Variants in TMEM231 observed in about 807,000 individuals in gnomAD.
TMEM231 encodes transmembrane protein 231.
In TMEM231, 40 loss-of-function variants were observed where a neutral mutation model predicts 38.5. The observed-to-expected ratio is 1.04, with a 90% CI of 0.81 to 1.35. TMEM231 has a LOEUF of 1.35. Ranked by LOEUF, TMEM231 falls within the 40% of genes most tolerant of loss-of-function variation. TMEM231 has a pLI of 0.00. For missense variants in TMEM231, 420 were observed against 416.9 expected (o/e 1.01, Z -0.07); for synonymous variants, 199 against 181.7 (o/e 1.10, Z -0.77).
At chr16:75,552,418 A>G (rs1278402036) in intron 2 of TMEM231, among the ~76,000 whole-genome samples, 3 of 152,136 alleles carry the variant, frequency 2.0e-5, no homozygotes, top group Non-Finnish European at 2.9e-5. Flanking sequence ...GCGCCACTGA[A>G]CTCCAGTCTG....
chr16:75,546,183 A>G (rs2080688875), intron 2 of TMEM231: 10 of 1,327,858 alleles, frequency 7.5e-6, no homozygotes, highest in Non-Finnish European at 1.0e-5. Flanking sequence ...TTCACTGGCC[A>G]AAATAAATGG....
intron 2 of TMEM231, among the ~76,000 whole-genome samples, chr16:75,548,423 A>T (rs1218520549): frequency 6.6e-6 from 1 of 152,214 alleles, no homozygotes; most frequent in Non-Finnish European, 1.5e-5. Context: ...GCCAGGCACT[A>T]TTTCAAATAA....
intron 2 of TMEM231, 37 bp from the exon 3 acceptor site, chr16:75,545,991 T>C (rs1454788291): frequency 2.6e-6 from 4 of 1,557,698 alleles, no homozygotes; most frequent in Non-Finnish European, 3.5e-6. Flanking sequence ...CCCTGGTCAC[T>C]AATGAGTCTG....
At chr16:75,551,911 G>A (rs906272323) in intron 2 of TMEM231, among the ~76,000 whole-genome samples, 30 of 150,856 alleles carry the variant, frequency 2.0e-4, no homozygotes, top group Non-Finnish European at 1.5e-5. Context: ...GCAGTGAGAA[G>A]AGATTGCGCC....
rs901311435 is a variant in TMEM231 at position 75,556,006 on chromosome 16, G to A, written c.140-33C>T. ...AAAGAGGGCGGTAGGGAGGCGGTTA[G>A]GGAGGCCGGCCCTGGCCGAGCGCGC... On this transcript the variant is annotated intron_variant, in intron 1 of 6. Coordinates refer to ENST00000258173, the MANE Select transcript of TMEM231 (RefSeq NM_001077418.3). 39 of 1,584,182 alleles carry A rather than the reference G, an allele frequency of 2.5e-5. No homozygotes were observed. Among genetic ancestry groups the A allele is most frequent in the Non-Finnish European group, 3.1e-5 (36 of 1,165,044 alleles).
In TMEM231 at chr16:75,537,121, C is replaced by CAAAAAAAAAAAA. The variant is rs35767878; in HGVS notation, c.*2861_*2872dup. On this transcript the variant is annotated 3_prime_UTR_variant, in exon 7 of 7. Transcript: ENST00000258173. ...TGGGTAACAGAGTGAGACTCTGTCTCAAAAAAAAAAAAAAAAAAGAAAAAG... is the reference window on the plus strand; with the variant it reads ...TGGGTAACAGAGTGAGACTCTGTCTCAAAAAAAAAAAAAAAAAAAAAAAAAAAAAAGAAAAAG... 1.9e-5 allele frequency: 2 copies of CAAAAAAAAAAAA among 107,126 alleles called. No homozygotes were observed. Among genetic ancestry groups the CAAAAAAAAAAAA allele is most frequent in the African/African-American group, 3.4e-5 (1 of 29,358 alleles). The allele number at this position is 107,126 out of a possible 1,614,324, so 6.6% of individuals were successfully genotyped here.
At position 75,540,130 on chromosome 16, in the gene TMEM231, T is replaced by G. The variant is rs397514754; in HGVS notation, c.815A>C (p.Gln272Pro). The change falls in exon 7 of 7, where the codon CAG becomes CCG. Residue 272 changes from glutamine (Q) to proline (P), a missense_variant. Coordinates refer to ENST00000258173, the MANE Select transcript of TMEM231 (RefSeq NM_001077418.3). ...FWEMVKFAWV[Q>P]YVSILLIFLW... ...GAAGATAAGCAGGATGCTGACATACTGCACCCAGGCGAACTTTACCATCTC... is the reference window on the plus strand; with the variant it reads ...GAAGATAAGCAGGATGCTGACATACGGCACCCAGGCGAACTTTACCATCTC... 6.2e-7 allele frequency: 1 copy of G among 1,613,840 alleles called. No homozygotes were observed. Among genetic ancestry groups the G allele is most frequent in the African/African-American group, 1.3e-5 (1 of 75,070 alleles).
intron 2 of TMEM231, among the ~76,000 whole-genome samples, chr16:75,553,679 A>T (rs1267939670): frequency 2.0e-5 from 3 of 149,752 alleles, no homozygotes; most frequent in South Asian, 4.2e-4. Flanking sequence ...CCACTTCTCT[A>T]TTTCTTTTTA....
At chr16:75,542,099 C>T (rs8062862) in intron 5 of TMEM231, 11,473 of 156,798 alleles carry the variant, frequency 0.073, 1,465 homozygotes, top group African/African-American at 0.26. Context: ...ACAAACGTGC[C>T]GAGTCCACAC....
chr16:75,538,586 A>T lies in TMEM231; in HGVS notation c.*1408T>A, dbSNP rs1483382365. 4.6e-5 allele frequency: 7 copies of T among 152,124 alleles called. No homozygotes were observed. The highest frequency in any genetic ancestry group is 1.0e-4 in the Non-Finnish European group (7 of 68,044). 9.4% of individuals were successfully genotyped at this position (152,124 alleles called of 1,614,324 possible). ...ATACTTCAAAATAGCTTTGTTTCCA[A>T]AACTGTTTTAGTAAGCCTAAAGGAG... On this transcript the variant is annotated 3_prime_UTR_variant, in exon 7 of 7. Coordinates refer to ENST00000258173, the MANE Select transcript of TMEM231 (RefSeq NM_001077418.3).
intron 6 of TMEM231, 30 bp from the exon 7 acceptor site, chr16:75,540,204 A>G (rs529414952): frequency 1.3e-6 from 2 of 1,588,848 alleles, no homozygotes; most frequent in Admixed American, 1.8e-5. Context: ...GAAGGGCCAC[A>G]TGGTGTTAAG....
chr16:75,543,549 G>A (rs1367436127), intron 4 of TMEM231, among the ~76,000 whole-genome samples: 1 of 152,098 alleles, frequency 6.6e-6, no homozygotes, highest in Non-Finnish European at 1.5e-5. Flanking sequence ...TAGCCTGGGT[G>A]ACAGAGCAAG....
At chr16:75,550,929 C>A (rs1359006702) in intron 2 of TMEM231, among the ~76,000 whole-genome samples, 1 of 152,120 alleles carries the variant, frequency 6.6e-6, no homozygotes, top group Non-Finnish European at 1.5e-5. Context: ...GTTGGCCAGG[C>A]TGGTCTAGAA....
chr16:75,542,319 T>C (rs993473356), intron 5 of TMEM231, among the ~76,000 whole-genome samples: 6 of 151,832 alleles, frequency 4.0e-5, no homozygotes, highest in African/African-American at 7.3e-5. Flanking sequence ...ATTAGGCTTA[T>C]ATTTTTTAAA....
In TMEM231 at chr16:75,540,316, T is replaced by C. The variant is rs1313664262; in HGVS notation, c.771-142A>G. The C allele has an allele frequency of 9.8e-6, 8 of 816,792 alleles. No homozygotes were observed. In the African/African-American group the frequency reaches 1.4e-4, roughly 14 times the overall value. The allele number at this position is 816,792 out of a possible 1,614,324, so 50.6% of individuals were successfully genotyped here. A position where few individuals can be genotyped will look rare whatever the true frequency, so the allele number is the denominator to read the frequency against. ...CACCCAGATGGAAGCTGACCTGAAC[T>C]TGGCCAAATGGTAAAACCAGCCACA... On this transcript the variant is annotated intron_variant, in intron 6 of 6. Coordinates refer to ENST00000258173, the MANE Select transcript of TMEM231 (RefSeq NM_001077418.3).
upstream of TMEM231, chr16:75,556,264 G>T: frequency 7.2e-7 from 1 of 1,391,484 alleles, no homozygotes; most frequent in Non-Finnish European, 9.3e-7. Flanking sequence ...GCTTCTCCTG[G>T]TTGCCATCGC....
chr16:75,556,261 C>T (rs538016791), upstream of TMEM231: 2 of 1,383,436 alleles, frequency 1.4e-6, no homozygotes, highest in Non-Finnish European at 1.9e-6. Context: ...TTGGCTTCTC[C>T]TGGTTGCCAT....
At chr16:75,546,251 T>C (rs1567436993) in intron 2 of TMEM231, among the ~76,000 whole-genome samples, 1 of 152,238 alleles carries the variant, frequency 6.6e-6, no homozygotes, top group Non-Finnish European at 1.5e-5. Context: ...CATGTGATCT[T>C]GCTTATTTTG....
intron 2 of TMEM231, among the ~76,000 whole-genome samples, chr16:75,552,770 T>A (rs918225373): frequency 1.3e-5 from 2 of 152,174 alleles, no homozygotes; most frequent in African/African-American, 4.8e-5. Flanking sequence ...AACTATGCCA[T>A]ACCTGCCTCC....
Sources: gnomAD v4.1 joint callset for allele counts (sites outside exome capture counted in the v4.1 genomes callset) on GRCh38, gnomAD v4.1.1 for gene constraint, MANE v1.5 for transcripts, NCBI Gene and HGNC (gene_info 2026-07-23, HGNC 2026-07-21) for gene names.